KLHL22: variants seen among roughly 807,000 people sequenced by gnomAD.
KLHL22 encodes kelch-like protein 22.
Under a neutral mutation model 60.7 loss-of-function variants are expected in KLHL22, and 18 were observed. The ratio of observed to expected loss-of-function variants is 0.30; its 90% CI spans 0.20 to 0.44. The LOEUF (loss-of-function observed/expected upper bound fraction) is 0.44, where lower values mean the gene tolerates loss of function less well. KLHL22 is among the 20% of genes least tolerant of loss of function. The pLI is 1.00. For missense variants in KLHL22, 596 were observed against 852.3 expected (o/e 0.70, Z 3.74); for synonymous variants, 355 against 354.5 (o/e 1.00, Z -0.01).
chr22:20,468,042 G>T (rs1432591042), intron 3 of KLHL22, among the ~76,000 whole-genome samples: 1 of 152,166 alleles, frequency 6.6e-6, no homozygotes, highest in Non-Finnish European at 1.5e-5. Context: ...AAGGTGACAT[G>T]CTAAGAGCTG....
intron 2 of KLHL22, chr22:20,483,907 TC>T (rs2053545217): frequency 1.5e-6 from 1 of 686,320 alleles, no homozygotes. Context: ...TCCCCAGCCA[TC>T]CCCGCGGCCA....
At chr22:20,453,857 C>T (rs900151925) in intron 5 of KLHL22, among the ~76,000 whole-genome samples, 2 of 152,064 alleles carry the variant, frequency 1.3e-5, no homozygotes, top group African/African-American at 4.8e-5. Flanking sequence ...GCCTCAGCCT[C>T]CCCAGTAGCT....
intron 5 of KLHL22, chr22:20,451,879 G>C: frequency 6.7e-7 from 1 of 1,487,072 alleles, no homozygotes; most frequent in Non-Finnish European, 9.3e-7. Context: ...CAGTTAGTGG[G>C]AGAATCAAGA....
At chr22:20,461,279 C>A (rs2053150023) in intron 4 of KLHL22, among the ~76,000 whole-genome samples, 1 of 152,142 alleles carries the variant, frequency 6.6e-6, no homozygotes, top group Non-Finnish European at 1.5e-5. Context: ...TGTGGCCAGG[C>A]ACGGTGGCTC....
chr22:20,493,405 G>A (rs1208225813), intron 1 of KLHL22, among the ~76,000 whole-genome samples: 1 of 152,196 alleles, frequency 6.6e-6, no homozygotes, highest in Non-Finnish European at 1.5e-5. Context: ...ACATCTATAC[G>A]GTTTTAAATC....
intron 2 of KLHL22, among the ~76,000 whole-genome samples, chr22:20,476,348 G>A (rs2053411702): frequency 6.6e-6 from 1 of 151,608 alleles, no homozygotes; most frequent in Admixed American, 6.6e-5. Flanking sequence ...AGTGGAGATG[G>A]CAACATTTCA....
chr22:20,478,888 G>A lies in KLHL22; in HGVS notation c.228-7373C>T, dbSNP rs2146262279. 1.3e-5 allele frequency among the ~76,000 whole-genome samples: 2 copies of A among 151,104 alleles called. 1 individual carries two copies. The highest frequency in any genetic ancestry group is 4.2e-4 in the South Asian group (2 of 4,766). Reference sequence around the variant, plus strand: ...CTCATGCCTGTATCCCAGCACTTTGGGAGGCCGAGGTGGGCGGATCACCTG... The same window carrying A: ...CTCATGCCTGTATCCCAGCACTTTGAGAGGCCGAGGTGGGCGGATCACCTG... On this transcript the variant is annotated intron_variant, in intron 2 of 6. Coordinates refer to ENST00000328879, the MANE Select transcript of KLHL22 (RefSeq NM_032775.4).
chr22:20,457,700 C>T (rs758664258), intron 5 of KLHL22, 108 bp downstream of exon 5: 1 of 802,184 alleles, frequency 1.2e-6, no homozygotes, highest in Non-Finnish European at 2.0e-6. Context: ...CTCACTGAGC[C>T]TGTTTCTCTG....
intron 5 of KLHL22, among the ~76,000 whole-genome samples, chr22:20,449,441 C>T (rs1404393946): frequency 6.6e-6 from 1 of 151,902 alleles, no homozygotes; most frequent in African/African-American, 2.4e-5. Context: ...CACTCTGTCG[C>T]CCAGGCTGGA....
In KLHL22 at chr22:20,441,972, C is replaced by T. The variant is rs1268159580; in HGVS notation, c.*101G>A. Reference sequence around the variant, plus strand: ...GCCCATAAGCTGTGGCCAACAGGGGCAGGGGCCCTGCCTGGAGTAAAGTGC... The same window carrying T: ...GCCCATAAGCTGTGGCCAACAGGGGTAGGGGCCCTGCCTGGAGTAAAGTGC... On this transcript the variant is annotated 3_prime_UTR_variant, in exon 7 of 7. Coordinates refer to ENST00000328879, the MANE Select transcript of KLHL22 (RefSeq NM_032775.4). The T allele has an allele frequency of 7.9e-7, 1 of 1,258,344 alleles. No individual in the cohort carries two copies. The allele number at this position is 1,258,344 out of a possible 1,614,324, so 77.9% of individuals were successfully genotyped here.
chr22:20,465,409 C>T lies in KLHL22; in HGVS notation c.561G>A (p.Lys187=), dbSNP rs765815157. Residue 187 remains lysine, a synonymous_variant, in exon 4 of 7, where the codon AAG becomes AAA. Transcript: ENST00000328879. This position sits in a 1 kb window ranked among gnomAD's most constrained non-coding sequence, Gnocchi z 4.9. ...KNFVAFSRTD[K]YRQLPLEKVY... ...CCTTCTCCAATGGAAGCTGGCGGTA[C>T]TTGTCAGTCCGAGAGAAGGCCACAA... The T allele has an allele frequency of 1.4e-5, 22 of 1,614,168 alleles. 1 individual carries two copies. The South Asian group carries it at 2.3e-4, about 17-fold the overall frequency.
rs1427475697 is a variant in KLHL22, at chr22:20,495,414, A to T, written c.-34+346T>A. On this transcript the variant is annotated intron_variant, in intron 1 of 6. Coordinates refer to ENST00000328879, the MANE Select transcript of KLHL22 (RefSeq NM_032775.4). The surrounding 1 kb of genome is among the most constrained non-coding windows in gnomAD (Gnocchi z 4.6). ...CGCTCCAGCGCGGAGGGTCGCGGCC[A>T]GGAAGGCCGCATTCGGACCTGCCGC... Among the ~76,000 whole-genome samples the T allele has an allele frequency of 1.3e-5, 2 of 151,944 alleles. No individual in the cohort carries two copies. The highest frequency in any genetic ancestry group is 2.9e-5 in the Non-Finnish European group (2 of 67,904).
At chr22:20,479,085 T>C (rs953948800) in intron 2 of KLHL22, among the ~76,000 whole-genome samples, 3 of 151,036 alleles carry the variant, frequency 2.0e-5, no homozygotes, top group Non-Finnish European at 3.0e-5. Context: ...GCCGAGATGA[T>C]GCCACTGCAC....
chr22:20,493,563 C>A (rs1285665992), intron 1 of KLHL22, among the ~76,000 whole-genome samples: 1 of 152,104 alleles, frequency 6.6e-6, no homozygotes, highest in African/African-American at 2.4e-5. Context: ...GGATGAATCA[C>A]GAGGTCAGGA....
chr22:20,487,722 A>G (rs2146285121), intron 2 of KLHL22, among the ~76,000 whole-genome samples: 1 of 152,326 alleles, frequency 6.6e-6, no homozygotes, highest in East Asian at 1.9e-4. Flanking sequence ...GGAAAGGGCT[A>G]GAAATTGCTC....
intron 1 of KLHL22, among the ~76,000 whole-genome samples, chr22:20,492,504 T>C (rs1287611189): frequency 6.6e-6 from 1 of 152,086 alleles, no homozygotes; most frequent in East Asian, 1.9e-4. Context: ...TCTCTCATAG[T>C]CCCATATTGG....
At position 20,486,459 on chromosome 22, in the gene KLHL22, T is replaced by C. The variant is rs145552694; in HGVS notation, c.227+2526A>G. Reference sequence around the variant, plus strand: ...CACTGGGTGCATCGTCCCACAGGAATGACACCTAGACACCCAACATACAAC... The same window carrying C: ...CACTGGGTGCATCGTCCCACAGGAACGACACCTAGACACCCAACATACAAC... On this transcript the variant is annotated intron_variant, in intron 2 of 6. Transcript: ENST00000328879. Among the ~76,000 whole-genome samples the C allele has an allele frequency of 4.1e-3, 630 of 152,288 alleles. 6 individuals are homozygous for C. Among genetic ancestry groups the C allele is most frequent in the African/African-American group, 0.014 (588 of 41,566 alleles).
At chr22:20,451,650 C>T in intron 5 of KLHL22, 2 of 1,605,778 alleles carry the variant, frequency 1.2e-6, no homozygotes, top group Non-Finnish European at 1.7e-6. Flanking sequence ...CTCCACGATG[C>T]TATGTAGGGG....
intron 1 of KLHL22, chr22:20,493,175 T>G (rs749735097): frequency 6.4e-6 from 3 of 471,032 alleles, no homozygotes; most frequent in African/African-American, 6.0e-5. Context: ...GTGCCTCTGC[T>G]CTCTTGGGAA....
Sources: allele counts gnomAD v4.1 joint callset (sites outside exome capture counted in the v4.1 genomes callset), GRCh38; gene constraint gnomAD v4.1.1; non-coding constraint Gnocchi (gnomAD v3.1); transcripts MANE v1.5; gene names NCBI Gene and HGNC (gene_info 2026-07-23, HGNC 2026-07-21).